Variants in DOCK3 observed in about 807,000 individuals in gnomAD.
DOCK3 encodes the protein dedicator of cytokinesis 3.
A neutral mutation model predicts 265.6 loss-of-function variants in DOCK3; 60 were observed. The observed-to-expected ratio is 0.23, with a 90% CI of 0.18 to 0.28. DOCK3 has a LOEUF of 0.28. Among genes scored for constraint, DOCK3 ranks in the 10% least tolerant of loss-of-function variants. DOCK3 has a pLI of 1.00. For synonymous variants in DOCK3, 881 were observed against 938.0 expected, an observed-to-expected ratio of 0.94 and a Z score of 1.11; for missense variants, 1,981 against 2,594.3, an observed-to-expected ratio of 0.76 and a Z score of 5.14.
intron 12 of DOCK3, among the ~76,000 whole-genome samples, chr3:51,201,935 A>C (rs369669705): frequency 1.3e-5 from 2 of 152,136 alleles, no homozygotes; most frequent in Non-Finnish European, 2.9e-5. Context: ...GGGTACATAA[A>C]GAAATGAAGG....
chr3:50,808,428 A>G (rs1443178464), intron 2 of DOCK3, among the ~76,000 whole-genome samples: 2 of 152,210 alleles, frequency 1.3e-5, no homozygotes, highest in Non-Finnish European at 2.9e-5. Context: ...TATCTCAACT[A>G]GAGGACTTAT....
Position 50,979,632 on chromosome 3 carries a change from T to A in DOCK3, c.315+45555T>A, listed in dbSNP as rs563862898. On this transcript the variant is annotated intron_variant, in intron 5 of 52. Coordinates refer to ENST00000266037, the MANE Select transcript of DOCK3 (RefSeq NM_004947.5). ...ACAGATGCTGGTGCCATGCTTCTTGTGCAGCCTGCAGAACCACAAAACAAA... is the reference window on the plus strand; with the variant it reads ...ACAGATGCTGGTGCCATGCTTCTTGAGCAGCCTGCAGAACCACAAAACAAA... 2.0e-5 allele frequency among the ~76,000 whole-genome samples: 3 copies of A among 152,308 alleles called. No homozygotes were observed. In the South Asian group the frequency reaches 6.2e-4, roughly 32 times the overall value.
chr3:50,869,342 ATTTTTTTTTTTTTTTTTTT>A lies in DOCK3; in HGVS notation c.163-20654_163-20636del, dbSNP rs755531254. On this transcript the variant is annotated intron_variant, in intron 3 of 52. Coordinates refer to ENST00000266037, the MANE Select transcript of DOCK3 (RefSeq NM_004947.5). ...TCAATTTTATTTATTTCTGCTGGGA[ATTTTTTTTTTTTTTTTTTT>A]TTTTTTTTTTTTTTTTTTTTTTTTT... Among the ~76,000 whole-genome samples, 36 of 70,104 alleles carry A rather than the reference ATTTTTTTTTTTTTTTTTTT, an allele frequency of 5.1e-4. 3 individuals carry two copies. Among genetic ancestry groups the A allele is most frequent in the South Asian group, 2.6e-3 (5 of 1,952 alleles). 46.0% of individuals were successfully genotyped at this position (70,104 alleles called of 152,430 possible). A position where few individuals can be genotyped will look rare whatever the true frequency, so the allele number is the denominator to read the frequency against.
chr3:50,950,010 CT>C (rs36089679), intron 5 of DOCK3, among the ~76,000 whole-genome samples: 15,087 of 140,996 alleles, frequency 0.11, 838 homozygotes, highest in Non-Finnish European at 0.13. Context: ...ATTTTTAAAT[CT>C]TTTTTTTTTT....
At chr3:51,278,851 A>G (rs982933199) in intron 26 of DOCK3, among the ~76,000 whole-genome samples, 3 of 152,204 alleles carry the variant, frequency 2.0e-5, no homozygotes, top group Non-Finnish European at 4.4e-5. Flanking sequence ...CTTTATGTAC[A>G]TTAACCCATC....
intron 2 of DOCK3, among the ~76,000 whole-genome samples, chr3:50,834,004 G>C (rs991358590): frequency 6.6e-6 from 1 of 151,900 alleles, no homozygotes; most frequent in Non-Finnish European, 1.5e-5. Context: ...ACAAAACAAG[G>C]GATCAGCAAC....
intron 1 of DOCK3, among the ~76,000 whole-genome samples, chr3:50,758,675 A>G (rs2040344675): frequency 6.6e-6 from 1 of 152,142 alleles, no homozygotes; most frequent in Non-Finnish European, 1.5e-5. Flanking sequence ...CTGACTCTTC[A>G]TTCCACACTT....
At chr3:50,701,573 A>G (rs1476058747) in intron 1 of DOCK3, among the ~76,000 whole-genome samples, 1 of 152,176 alleles carries the variant, frequency 6.6e-6, no homozygotes, top group Non-Finnish European at 1.5e-5. Context: ...TTTGCTGTGC[A>G]GAAGCTTTTA....
At chr3:51,070,963 C>T (rs2081838215) in intron 6 of DOCK3, among the ~76,000 whole-genome samples, 1 of 152,136 alleles carries the variant, frequency 6.6e-6, no homozygotes. Context: ...CTGCACCCTC[C>T]CCCCGATCCG....
intron 9 of DOCK3, among the ~76,000 whole-genome samples, chr3:51,092,008 C>A (rs181432062): frequency 6.6e-6 from 1 of 152,312 alleles, no homozygotes; most frequent in East Asian, 1.9e-4. Flanking sequence ...TCTTTGCAAC[C>A]CGCAGACCAG....
intron 12 of DOCK3, among the ~76,000 whole-genome samples, chr3:51,187,000 C>T (rs2087645411): frequency 6.6e-6 from 1 of 152,216 alleles, no homozygotes; most frequent in South Asian, 2.1e-4. Flanking sequence ...CCTACTGAGG[C>T]ACTGCCTAGT....
At chr3:50,690,701 G>T (rs1342839480) in intron 1 of DOCK3, among the ~76,000 whole-genome samples, 3 of 151,834 alleles carry the variant, frequency 2.0e-5, no homozygotes, top group Non-Finnish European at 4.4e-5. Context: ...GGAGTGCAGT[G>T]GTGTGATCTC....
chr3:51,341,205 C>T (rs569828463), intron 37 of DOCK3, 32 bp from the exon 38 acceptor site: 2 of 1,539,712 alleles, frequency 1.3e-6, no homozygotes, highest in African/African-American at 1.4e-5. Context: ...GCAAGGGAAG[C>T]CCCTGGACCT....
At chr3:50,766,327 G>A (rs923857981) in intron 1 of DOCK3, among the ~76,000 whole-genome samples, 1 of 130,698 alleles carries the variant, frequency 7.7e-6, no homozygotes, top group Non-Finnish European at 1.5e-5. Flanking sequence ...CTATGTCCAA[G>A]TGTTCTCATT....
intron 5 of DOCK3, among the ~76,000 whole-genome samples, chr3:50,940,070 C>CACACAAACACACAT (rs1165712253): frequency 9.9e-5 from 15 of 151,884 alleles, no homozygotes; most frequent in Admixed American, 7.2e-4. Context: ...CACACATACA[C>CACACAAACACACAT]ACACAAACAC....
At chr3:51,358,142 C>T in intron 46 of DOCK3, 65 bp downstream of exon 46, 1 of 1,509,488 alleles carries the variant, frequency 6.6e-7, no homozygotes, top group South Asian at 1.1e-5. Context: ...CAGACCTACG[C>T]CACAAACCAA....
intron 3 of DOCK3, among the ~76,000 whole-genome samples, chr3:50,861,917 A>G (rs1010781331): frequency 7.4e-6 from 1 of 134,294 alleles, no homozygotes; most frequent in African/African-American, 2.7e-5. Context: ...CATTTCATTT[A>G]TTTATGTTCA....
chr3:50,723,503 T>C (rs2037609452), intron 1 of DOCK3, among the ~76,000 whole-genome samples: 1 of 151,564 alleles, frequency 6.6e-6, no homozygotes, highest in African/African-American at 2.4e-5. Context: ...AAACCTCGTA[T>C]CTACTTTGGA....
At chr3:50,862,215 C>CTAGTTGT in intron 3 of DOCK3, among the ~76,000 whole-genome samples, 1 of 152,266 alleles carries the variant, frequency 6.6e-6, no homozygotes, top group East Asian at 1.9e-4. Context: ...TATGTGTTCC[C>CTAGTTGT]TAGTTGTGGA....
Sources: gnomAD v4.1 joint callset for allele counts (sites outside exome capture counted in the v4.1 genomes callset) on GRCh38, gnomAD v4.1.1 for gene constraint, MANE v1.5 for transcripts, NCBI Gene and HGNC (gene_info 2026-07-23, HGNC 2026-07-21) for gene names.